PPARGC1A: variants seen among roughly 807,000 people sequenced by gnomAD.
PPARGC1A encodes peroxisome proliferator-activated receptor gamma coactivator 1-alpha.
In PPARGC1A, 25 loss-of-function variants were observed where a neutral mutation model predicts 88.7. The observed-to-expected ratio is 0.28, with a 90% CI of 0.21 to 0.39. The LOEUF is 0.39. Ranked by LOEUF, PPARGC1A falls within the 10% of genes least tolerant of loss-of-function variation. PPARGC1A has a pLI of 1.00. For missense variants in PPARGC1A, 880 were observed against 968.7 expected, an observed-to-expected ratio of 0.91 and a Z score of 1.22; for synonymous variants, 363 against 355.6, an observed-to-expected ratio of 1.02 and a Z score of -0.24.
the PPARGC1A span, among the ~76,000 whole-genome samples, chr4:24,132,924 A>T: frequency 1.3e-5 from 2 of 151,654 alleles, no homozygotes; most frequent in South Asian, 2.1e-4. Context: ...CATTCCTAAC[A>T]GTTTGTGTGG....
chr4:24,175,538 CTTTTTTTTTTT>C, the PPARGC1A span, among the ~76,000 whole-genome samples: 2 of 84,884 alleles, frequency 2.4e-5, no homozygotes, highest in Admixed American at 1.5e-4. Flanking sequence ...CCACACCAAG[CTTTTTTTTTTT>C]TTTTTTTTTT....
At chr4:24,086,821 C>G in the PPARGC1A span, among the ~76,000 whole-genome samples, 2 of 152,142 alleles carry the variant, frequency 1.3e-5, no homozygotes, top group South Asian at 4.1e-4. Context: ...TAAACACTTT[C>G]AAGAATGTGA....
At chr4:23,907,737 G>T (rs903430151), upstream of PPARGC1A, among the ~76,000 whole-genome samples, 1 of 152,180 alleles carries the variant, frequency 6.6e-6, no homozygotes, top group Non-Finnish European at 1.5e-5. Flanking sequence ...TACGTAGTTC[G>T]AGTGGCTCAG....
At chr4:24,387,818 A>AAGAAAGAGAAAGAGAGAAAGAG in the PPARGC1A span, among the ~76,000 whole-genome samples, 10 of 81,096 alleles carry the variant, frequency 1.2e-4, no homozygotes, top group African/African-American at 4.8e-4. Context: ...GAAAGAAAGA[A>AAGAAAGAGAAAGAGAGAAAGAG]AGAAAGAGAG....
At chr4:24,246,313 C>T in the PPARGC1A span, among the ~76,000 whole-genome samples, 1 of 152,164 alleles carries the variant, frequency 6.6e-6, no homozygotes, top group African/African-American at 2.4e-5. Context: ...CATTCAGATC[C>T]TGGGATCCCA....
chr4:24,387,496 C>G, the PPARGC1A span, among the ~76,000 whole-genome samples: 14 of 152,112 alleles, frequency 9.2e-5, no homozygotes, highest in African/African-American at 3.1e-4. Context: ...TAGGCTGAGG[C>G]GGGTGGATCA....
chr4:24,071,911 A>G, the PPARGC1A span, among the ~76,000 whole-genome samples: 1 of 152,150 alleles, frequency 6.6e-6, no homozygotes. Flanking sequence ...ACTTGCCATC[A>G]ATTCAAATTA....
At chr4:23,846,235 C>T (rs1202953319) in intron 2 of PPARGC1A, among the ~76,000 whole-genome samples, 1 of 152,126 alleles carries the variant, frequency 6.6e-6, no homozygotes, top group Non-Finnish European at 1.5e-5. Context: ...GATGTAGTAA[C>T]ATGGAAACAC....
At chr4:23,824,128 C>T in intron 7 of PPARGC1A, 152 bp downstream of exon 7, 1 of 624,730 alleles carries the variant, frequency 1.6e-6, no homozygotes, top group Non-Finnish European at 2.6e-6. Flanking sequence ...TTTAAATAAA[C>T]AACTGGAAAT....
At chr4:24,286,206 A>C in the PPARGC1A span, among the ~76,000 whole-genome samples, 1 of 152,108 alleles carries the variant, frequency 6.6e-6, no homozygotes, top group South Asian at 2.1e-4. Context: ...AGAGAACAAA[A>C]TAGAGTCTTA....
At chr4:24,332,284 A>T in the PPARGC1A span, among the ~76,000 whole-genome samples, 1 of 152,014 alleles carries the variant, frequency 6.6e-6, no homozygotes, top group Non-Finnish European at 1.5e-5. Context: ...GGCCTAGAAG[A>T]GTGCATTTAA....
the PPARGC1A span, among the ~76,000 whole-genome samples, chr4:24,339,980 G>A: frequency 5.3e-5 from 8 of 152,070 alleles, no homozygotes; most frequent in East Asian, 1.9e-4. Flanking sequence ...CTCGTGATCC[G>A]CCTGCCTCAG....
the PPARGC1A span, among the ~76,000 whole-genome samples, chr4:24,142,523 A>C: frequency 6.6e-6 from 1 of 152,020 alleles, no homozygotes; most frequent in African/African-American, 2.4e-5. Flanking sequence ...AAAATACAAA[A>C]ATGAGTCAGG....
At chr4:24,329,261 T>C in the PPARGC1A span, among the ~76,000 whole-genome samples, 2 of 151,780 alleles carry the variant, frequency 1.3e-5, no homozygotes, top group African/African-American at 4.8e-5. Context: ...CTTTAAGCTT[T>C]TTTTTTTTTC....
chr4:24,107,653 G>C, the PPARGC1A span, among the ~76,000 whole-genome samples: 1 of 152,204 alleles, frequency 6.6e-6, no homozygotes, highest in African/African-American at 2.4e-5. Flanking sequence ...CAAAATTTAA[G>C]GTTAGAAGGA....
chr4:24,446,327 A>G, the PPARGC1A span, among the ~76,000 whole-genome samples: 61 of 152,350 alleles, frequency 4.0e-4, no homozygotes, highest in Middle Eastern at 3.4e-3. Context: ...CCTGATGATT[A>G]GTGCCTTTGA....
the PPARGC1A span, among the ~76,000 whole-genome samples, chr4:24,125,913 A>G: frequency 2.6e-5 from 4 of 152,178 alleles, no homozygotes; most frequent in East Asian, 5.8e-4. Context: ...CCTTGCTTCT[A>G]TGACTTAAAA....
intron 12 of PPARGC1A, among the ~76,000 whole-genome samples, chr4:23,799,863 C>T (rs1028817754): frequency 2.0e-5 from 3 of 152,056 alleles, no homozygotes; most frequent in Non-Finnish European, 4.4e-5. Flanking sequence ...CTAGAAACAC[C>T]CTGGCCTTCA....
At chr4:24,033,186 A>C in the PPARGC1A span, among the ~76,000 whole-genome samples, 5,679 of 152,190 alleles carry the variant, frequency 0.037, 323 homozygotes, top group African/African-American at 0.13. Flanking sequence ...TATCTGTGTG[A>C]TCTACAACCA....
Sources: gnomAD v4.1 joint callset for allele counts (sites outside exome capture counted in the v4.1 genomes callset) on GRCh38, gnomAD v4.1.1 for gene constraint, MANE v1.5 for transcripts, NCBI Gene and HGNC (gene_info 2026-07-23, HGNC 2026-07-21) for gene names.